Variants in OR1L8 observed in about 807,000 individuals in gnomAD.
The protein encoded by OR1L8 is olfactory receptor 1L8.
For missense variants in OR1L8, 330 were observed against 377.4 expected (o/e 0.87, Z 1.04); for synonymous variants, 148 against 147.0 (o/e 1.01, Z -0.05).
At position 122,568,760 on chromosome 9, in the gene OR1L8, T is replaced by G. The variant is rs1046568784; in HGVS notation, c.-212-71A>C. ...GGACTCCTCTAATTCAGACTCAGTA[T>G]TTCCTATTCTGTGAAAAGCACTATT... On this transcript the variant is annotated intron_variant, in intron 4 of 4. Transcript: ENST00000641027. 5 of 307,778 alleles carry G rather than the reference T, an allele frequency of 1.6e-5. No homozygotes were observed. The South Asian group carries it at 4.4e-4, about 27-fold the overall frequency. 19.1% of individuals were successfully genotyped at this position (307,778 alleles called of 1,614,324 possible).
At chr9:122,558,507 T>C in the OR1L8 span, among the ~76,000 whole-genome samples, 1 of 151,748 alleles carries the variant, frequency 6.6e-6, no homozygotes, top group Non-Finnish European at 1.5e-5. Context: ...CCTGTCTATT[T>C]GACTTCATAC....
At chr9:122,566,769 G>C (rs1829433237), downstream of OR1L8, among the ~76,000 whole-genome samples, 1 of 151,984 alleles carries the variant, frequency 6.6e-6, no homozygotes, top group African/African-American at 2.4e-5. Context: ...ATAGGCTAGA[G>C]TCCTAGAAAT....
chr9:122,547,728 T>A, the OR1L8 span, among the ~76,000 whole-genome samples: 1 of 152,084 alleles, frequency 6.6e-6, no homozygotes. Flanking sequence ...ATATCTTTGC[T>A]ATTGTGGATA....
chr9:122,566,896 C>T (rs1829436025), downstream of OR1L8, among the ~76,000 whole-genome samples: 1 of 151,912 alleles, frequency 6.6e-6, no homozygotes, highest in African/African-American at 2.4e-5. Context: ...CCATGTTATC[C>T]CTTGTGGTTT....
intron 4 of OR1L8, among the ~76,000 whole-genome samples, chr9:122,571,073 C>G (rs1829538750): frequency 6.6e-6 from 1 of 152,180 alleles, no homozygotes; most frequent in African/African-American, 2.4e-5. Context: ...TTTCCTCACT[C>G]TGATAAATTT....
intron 1 of OR1L8, among the ~76,000 whole-genome samples, chr9:122,582,791 T>C (rs13291698): frequency 0.085 from 12,970 of 151,812 alleles, 640 homozygotes; most frequent in Middle Eastern, 0.13. Flanking sequence ...AACAACAGAA[T>C]GAGACTAAAA....
chr9:122,582,228 G>A (rs563160760), intron 1 of OR1L8, among the ~76,000 whole-genome samples: 1 of 152,216 alleles, frequency 6.6e-6, no homozygotes, highest in Admixed American at 6.5e-5. Context: ...TTAAACTTCT[G>A]AGAAGTATCA....
At chr9:122,553,617 A>G in the OR1L8 span, 1 of 1,614,070 alleles carries the variant, frequency 6.2e-7, no homozygotes, top group Non-Finnish European at 8.5e-7. Context: ...ACTCCATTAC[A>G]GCACATCTAT....
chr9:122,552,579 TACG>T, the OR1L8 span, among the ~76,000 whole-genome samples: 1 of 151,604 alleles, frequency 6.6e-6, no homozygotes, highest in African/African-American at 2.4e-5. Flanking sequence ...GATGGGGGAG[TACG>T]ACACCAGACA....
At chr9:122,582,889 A>G (rs551438775) in intron 1 of OR1L8, among the ~76,000 whole-genome samples, 6 of 152,270 alleles carry the variant, frequency 3.9e-5, no homozygotes, top group African/African-American at 1.4e-4. Flanking sequence ...TGTAATTAAA[A>G]TGAAAACTAA....
chr9:122,559,749 G>A, the OR1L8 span, among the ~76,000 whole-genome samples: 1 of 152,122 alleles, frequency 6.6e-6, no homozygotes, highest in African/African-American at 2.4e-5. Context: ...CAGTGATGTG[G>A]TCAATTTTAG....
At chr9:122,551,731 C>T in the OR1L8 span, among the ~76,000 whole-genome samples, 2 of 152,190 alleles carry the variant, frequency 1.3e-5, no homozygotes, top group South Asian at 2.1e-4. Context: ...GGAGAACAGG[C>T]TGCACAATGA....
At chr9:122,564,921 A>G (rs1177588861), downstream of OR1L8, among the ~76,000 whole-genome samples, 2 of 152,162 alleles carry the variant, frequency 1.3e-5, no homozygotes, top group Non-Finnish European at 1.5e-5. Flanking sequence ...AAGATGCCAC[A>G]CTGGTCCATT....
At chr9:122,548,198 A>G in the OR1L8 span, among the ~76,000 whole-genome samples, 1 of 152,238 alleles carries the variant, frequency 6.6e-6, no homozygotes, top group Non-Finnish European at 1.5e-5. Flanking sequence ...GAACACTTAC[A>G]TACTGAATTA....
Position 122,583,133 on chromosome 9 carries a change from A to G in OR1L8, c.-600+188T>C, listed in dbSNP as rs186927453. ...AGAGGCAAAAGACCAATGTTCAGGA[A>G]AACTTCCATGTGGGACAACATGGAG... is the stretch of plus-strand genomic sequence containing the variant. On this transcript the variant is annotated intron_variant, in intron 1 of 4. Transcript: ENST00000641027. Among the ~76,000 whole-genome samples the G allele has an allele frequency of 1.9e-4, 29 of 152,258 alleles. No homozygotes were observed. The East Asian group carries it at 5.2e-3, about 27-fold the overall frequency.
Position 122,567,422 on chromosome 9 carries a change from A to C in OR1L8, c.*126T>G, listed in dbSNP as rs1829447818. ...ATCATCAATGGATGTAAGTGCCCAC[A>C]ATAGCCTTGTCTCACATGGGTCAGA... On this transcript the variant is annotated 3_prime_UTR_variant, in exon 5 of 5. Coordinates refer to ENST00000641027, the MANE Select transcript of OR1L8 (RefSeq NM_001004454.2). The C allele has an allele frequency of 1.5e-6, 1 of 671,208 alleles. No homozygotes were observed. Among genetic ancestry groups the C allele is most frequent in the Non-Finnish European group, 2.5e-6 (1 of 398,100 alleles). 41.6% of individuals were successfully genotyped at this position (671,208 alleles called of 1,614,324 possible). A position where few individuals can be genotyped will look rare whatever the true frequency, so the allele number is the denominator to read the frequency against.
intron 4 of OR1L8, among the ~76,000 whole-genome samples, chr9:122,571,489 G>GCAGTCAGCC (rs1443069157): frequency 6.6e-6 from 1 of 151,088 alleles, no homozygotes; most frequent in African/African-American, 2.4e-5. Flanking sequence ...GACGGAGGTT[G>GCAGTCAGCC]CAGTGAGCTG....
At chr9:122,555,461 G>T in the OR1L8 span, among the ~76,000 whole-genome samples, 1 of 152,150 alleles carries the variant, frequency 6.6e-6, no homozygotes, top group Non-Finnish European at 1.5e-5. Flanking sequence ...GCAATTTCTA[G>T]TGCCAAGGCA....
chr9:122,550,047 T>C, the OR1L8 span, among the ~76,000 whole-genome samples: 2 of 147,060 alleles, frequency 1.4e-5, no homozygotes, highest in Admixed American at 1.4e-4. Context: ...TTCAGTGTTT[T>C]GTAGTTTTTC....
Sources: gnomAD v4.1 joint callset for allele counts (sites outside exome capture counted in the v4.1 genomes callset) on GRCh38, gnomAD v4.1.1 for gene constraint, MANE v1.5 for transcripts, NCBI Gene and HGNC (gene_info 2026-07-23, HGNC 2026-07-21) for gene names.